SLCO1B3: variants seen among roughly 807,000 people sequenced by gnomAD.
SLCO1B3 encodes liver-specific organic anion transporter 2.
A neutral mutation model predicts 71.8 loss-of-function variants in SLCO1B3; 72 were observed. That is an observed-to-expected ratio of 1.00 (90% CI 0.83 to 1.22). The LOEUF is 1.22. SLCO1B3 is among the 50% of genes most tolerant of loss of function. The pLI, the probability that SLCO1B3 is intolerant of heterozygous loss-of-function variation, is 0.00. For missense variants in SLCO1B3, 911 were observed against 819.7 expected, an observed-to-expected ratio of 1.11 and a Z score of -1.36; for synonymous variants, 298 against 278.4, an observed-to-expected ratio of 1.07 and a Z score of -0.70.
At chr12:20,811,674 A>G (rs2121056578) in intron 1 of SLCO1B3, among the ~76,000 whole-genome samples, 1 of 152,322 alleles carries the variant, frequency 6.6e-6, no homozygotes, top group East Asian at 1.9e-4. Context: ...CTGTTCAGGG[A>G]AGAGTTGCAA....
At chr12:20,894,593 A>G (rs1250789438) in intron 13 of SLCO1B3, among the ~76,000 whole-genome samples, 1 of 152,164 alleles carries the variant, frequency 6.6e-6, no homozygotes, top group Non-Finnish European at 1.5e-5. Context: ...GTATACCGAC[A>G]AAGTGTAACT....
At position 20,851,329 on chromosome 12, in the gene SLCO1B3, T is replaced by C. The variant is rs576632419; in HGVS notation, c.85-3699T>C. Among the ~76,000 whole-genome samples, 51 of 152,234 alleles carry C rather than the reference T, an allele frequency of 3.4e-4. No homozygotes were observed. The South Asian group carries it at 5.2e-3, about 15-fold the overall frequency. On this transcript the variant is annotated intron_variant, in intron 3 of 15. Transcript: ENST00000381545. ...CAACTTTTTCACATACTTATTAACA[T>C]TTGTTGTTTTTCTTTGAATAGTGAG...
intron 3 of SLCO1B3, among the ~76,000 whole-genome samples, chr12:20,850,621 T>C (rs1865007559): frequency 6.6e-6 from 1 of 152,218 alleles, no homozygotes; most frequent in Middle Eastern, 3.2e-3. Flanking sequence ...ATAAACATAG[T>C]ACTTGATAGG....
At chr12:20,898,020 C>T (rs764026796) in intron 13 of SLCO1B3, among the ~76,000 whole-genome samples, 1 of 152,030 alleles carries the variant, frequency 6.6e-6, no homozygotes, top group Non-Finnish European at 1.5e-5. Flanking sequence ...ACATTGATGA[C>T]AGAAATAAGG....
chr12:20,875,199 G>A (rs780248883), intron 8 of SLCO1B3, 36 bp from the exon 9 acceptor site: 15 of 1,609,706 alleles, frequency 9.3e-6, no homozygotes, highest in South Asian at 2.2e-5. Context: ...ATTTCAAAAC[G>A]ATTTTTGACT....
chr12:20,827,153 G>A (rs1163660183), intron 3 of SLCO1B3, among the ~76,000 whole-genome samples: 1 of 151,718 alleles, frequency 6.6e-6, no homozygotes, highest in African/African-American at 2.4e-5. Context: ...ACCATGTTTT[G>A]GGTTATAAGC....
intron 2 of SLCO1B3, among the ~76,000 whole-genome samples, chr12:20,814,976 C>CTTT (rs1297703814): frequency 0.04 from 4,562 of 114,522 alleles, 64 homozygotes; most frequent in Non-Finnish European, 0.046. Context: ...CTTTTCTTTT[C>CTTT]TTTTCTTTTT....
At chr12:20,832,406 C>G (rs1864561320) in intron 3 of SLCO1B3, among the ~76,000 whole-genome samples, 1 of 152,042 alleles carries the variant, frequency 6.6e-6, no homozygotes, top group South Asian at 2.1e-4. Context: ...CCAGTGTATA[C>G]TTCTTCATTA....
intron 3 of SLCO1B3, among the ~76,000 whole-genome samples, chr12:20,841,393 G>C (rs10841669): frequency 0.72 from 110,096 of 151,952 alleles, 42,466 homozygotes; most frequent in South Asian, 0.9. Flanking sequence ...TCCTAAACTT[G>C]TACTTAAAAT....
intron 2 of SLCO1B3, 46 bp from the exon 3 acceptor site, chr12:20,815,628 G>C (rs1035102636): frequency 2.9e-6 from 2 of 678,602 alleles, no homozygotes; most frequent in African/African-American, 3.7e-5. Flanking sequence ...TTTTTAAATT[G>C]TATATTGTTA....
At chr12:20,905,736 T>G (rs1312163068) in intron 15 of SLCO1B3, among the ~76,000 whole-genome samples, 1 of 152,220 alleles carries the variant, frequency 6.6e-6, no homozygotes, top group Non-Finnish European at 1.5e-5. Flanking sequence ...ACTAGCAGCA[T>G]TTTGGTCAAA....
Position 20,863,478 on chromosome 12 carries a change from C to T in SLCO1B3, c.727+624C>T, listed in dbSNP as rs1050631970. Among the ~76,000 whole-genome samples the T allele has an allele frequency of 6.6e-5, 10 of 152,304 alleles. No homozygotes were observed. The East Asian group carries it at 1.7e-3, about 26-fold the overall frequency. ...AGAATCAATGTTGTAATATCTGCCTCGACTTCAGGCCCTCCTTCCTACAGA... is the reference window on the plus strand; with the variant it reads ...AGAATCAATGTTGTAATATCTGCCTTGACTTCAGGCCCTCCTTCCTACAGA... On this transcript the variant is annotated intron_variant, in intron 8 of 15. Coordinates refer to ENST00000381545, the MANE Select transcript of SLCO1B3 (RefSeq NM_019844.4).
In SLCO1B3 at chr12:20,860,930, T is replaced by C. The variant is rs1865249582; in HGVS notation, c.360-87T>C. On this transcript the variant is annotated intron_variant, in intron 5 of 15. Transcript: ENST00000381545. ...AATTTGGAGAAGACAGCGGTTCAAATAAAGGAGAAAATTTCTCTGTATTTC... is the reference window on the plus strand; with the variant it reads ...AATTTGGAGAAGACAGCGGTTCAAACAAAGGAGAAAATTTCTCTGTATTTC... The C allele has an allele frequency of 3.0e-6, 4 of 1,338,110 alleles. No homozygotes were observed. The Admixed American group carries it at 1.0e-4, about 33-fold the overall frequency. The allele number at this position is 1,338,110 out of a possible 1,614,324, so 82.9% of individuals were successfully genotyped here.
intron 5 of SLCO1B3, among the ~76,000 whole-genome samples, chr12:20,859,720 C>A (rs527568814): frequency 6.6e-6 from 1 of 152,108 alleles, no homozygotes; most frequent in African/African-American, 2.4e-5. Context: ...GCAACTACCC[C>A]AGCTTCATCT....
At chr12:20,892,986 A>T (rs1865933176) in intron 13 of SLCO1B3, among the ~76,000 whole-genome samples, 1 of 152,180 alleles carries the variant, frequency 6.6e-6, no homozygotes, top group Non-Finnish European at 1.5e-5. Flanking sequence ...TACAGAATAT[A>T]TGCAGATGAG....
rs747168973 is a variant in SLCO1B3, at chr12:20,883,485, G to A, written c.1565G>A (p.Gly522Asp). ...LQNRNYSAHL[G>D]ECPRDNTCTR... is the part of the protein sequence containing the mutation. The stretch of plus-strand genomic sequence containing the variant: ...AACAGAAATTACTCAGCACACTTGG[G>A]TGAATGCCCAAGAGATAATACTTGT... The change falls in exon 13 of 16, where the codon GGT becomes GAT. Residue 522 changes from glycine to aspartate, a missense_variant. Physicochemically the swap from Gly to Asp is moderately conservative, Grantham distance 94. Transcript: ENST00000381545. 1.3e-6 allele frequency: 2 copies of A among 1,599,836 alleles called. No homozygotes were observed. The highest frequency in any genetic ancestry group is 1.7e-6 in the Non-Finnish European group (2 of 1,172,992).
chr12:20,884,326 A>G (rs1272707127), intron 13 of SLCO1B3, among the ~76,000 whole-genome samples: 1 of 152,202 alleles, frequency 6.6e-6, no homozygotes, highest in Non-Finnish European at 1.5e-5. Flanking sequence ...TAAAGGAATA[A>G]AAAGAGAAAC....
chr12:20,901,019 T>G (rs1866119884), intron 14 of SLCO1B3, among the ~76,000 whole-genome samples: 1 of 152,334 alleles, frequency 6.6e-6, no homozygotes, highest in East Asian at 1.9e-4. Context: ...ATAACTTTCA[T>G]GTTTTACTAA....
intron 3 of SLCO1B3, among the ~76,000 whole-genome samples, chr12:20,824,589 TAATC>T (rs1864383874): frequency 1.3e-5 from 2 of 152,164 alleles, no homozygotes; most frequent in South Asian, 4.1e-4. Context: ...TTTTCCATAA[TAATC>T]ATAATTACTA....
Sources: allele counts gnomAD v4.1 joint callset (sites outside exome capture counted in the v4.1 genomes callset), GRCh38; gene constraint gnomAD v4.1.1; transcripts MANE v1.5; gene names NCBI Gene and HGNC (gene_info 2026-07-23, HGNC 2026-07-21).